Variants in XKR6 observed in about 807,000 individuals in gnomAD.
The protein encoded by XKR6 is XK related 6.
Under a neutral mutation model 56.7 loss-of-function variants are expected in XKR6, and 22 were observed. The observed-to-expected ratio is 0.39, with a 90% CI of 0.28 to 0.55. The LOEUF (loss-of-function observed/expected upper bound fraction) is 0.55. XKR6 is among the 20% of genes least tolerant of loss of function. The pLI is 0.66. For synonymous variants in XKR6, 524 were observed against 387.8 expected (o/e 1.35, Z -4.13); for missense variants, 852 against 889.0 (o/e 0.96, Z 0.53).
intron 1 of XKR6, among the ~76,000 whole-genome samples, chr8:11,051,237 C>T (rs1799539959): frequency 6.6e-6 from 1 of 152,008 alleles, no homozygotes; most frequent in Non-Finnish European, 1.5e-5. Flanking sequence ...CTCACTGGCC[C>T]CCGATCACCC....
At chr8:11,141,088 G>A (rs1586604887) in intron 1 of XKR6, among the ~76,000 whole-genome samples, 2 of 152,058 alleles carry the variant, frequency 1.3e-5, no homozygotes, top group South Asian at 4.2e-4. Context: ...ACGCTAAGTC[G>A]ACATGGTACA....
intron 1 of XKR6, among the ~76,000 whole-genome samples, chr8:11,007,563 T>C (rs73662675): frequency 0.036 from 5,522 of 152,114 alleles, 242 homozygotes; most frequent in African/African-American, 0.1. Context: ...TACTGATGAG[T>C]CACGTGCAGC....
intron 1 of XKR6, among the ~76,000 whole-genome samples, chr8:11,173,496 A>G (rs1802491524): frequency 6.6e-6 from 1 of 152,030 alleles, no homozygotes; most frequent in Non-Finnish European, 1.5e-5. Flanking sequence ...ATGATTCTGG[A>G]GCCAGACTGA....
At chr8:10,997,535 C>A (rs1798141784) in intron 1 of XKR6, among the ~76,000 whole-genome samples, 1 of 152,128 alleles carries the variant, frequency 6.6e-6, no homozygotes, top group African/African-American at 2.4e-5. Context: ...GATTAAGATG[C>A]ATGTACAGAG....
intron 1 of XKR6, among the ~76,000 whole-genome samples, chr8:10,997,209 C>T (rs1798133710): frequency 6.6e-6 from 1 of 152,172 alleles, no homozygotes; most frequent in Admixed American, 6.5e-5. Flanking sequence ...ACACAGAGCA[C>T]CAAGTTCATG....
At chr8:11,185,275 G>A (rs1803213576) in intron 1 of XKR6, among the ~76,000 whole-genome samples, 1 of 152,164 alleles carries the variant, frequency 6.6e-6, no homozygotes, top group African/African-American at 2.4e-5. Flanking sequence ...TATAGGTATG[G>A]CTCACATTTA....
chr8:10,991,591 C>G (rs890143689), intron 1 of XKR6, among the ~76,000 whole-genome samples: 1 of 152,170 alleles, frequency 6.6e-6, no homozygotes, highest in Non-Finnish European at 1.5e-5. Context: ...AATATAAAAG[C>G]ATACTCTATG....
At chr8:11,113,654 C>G (rs1343013531) in intron 1 of XKR6, among the ~76,000 whole-genome samples, 1 of 152,000 alleles carries the variant, frequency 6.6e-6, no homozygotes, top group Non-Finnish European at 1.5e-5. Flanking sequence ...AGAGCAAAAC[C>G]CTATTGTTTA....
chr8:11,088,065 G>C (rs1401282762), intron 1 of XKR6, among the ~76,000 whole-genome samples: 1 of 152,194 alleles, frequency 6.6e-6, no homozygotes, highest in African/African-American at 2.4e-5. Flanking sequence ...ATGCAAACAA[G>C]ATAAGTAGCT....
chr8:11,005,220 T>C lies in XKR6; in HGVS notation c.765-80390A>G, dbSNP rs549535431. Among the ~76,000 whole-genome samples, 56 of 152,228 alleles carry C rather than the reference T, an allele frequency of 3.7e-4. 1 individual carries two copies. Among genetic ancestry groups the C allele is most frequent in the African/African-American group, 1.2e-3 (49 of 41,538 alleles). On this transcript the variant is annotated intron_variant, in intron 1 of 2. Transcript: ENST00000416569. ...AGCAGAATGACGCAAGATTTCATCA[T>C]GCTGCTCAACATGGCACACAACTCA...
chr8:10,931,835 C>A (rs66724331), intron 1 of XKR6, among the ~76,000 whole-genome samples: 21,051 of 84,462 alleles, frequency 0.25, 1,736 homozygotes, highest in Middle Eastern at 0.34. Flanking sequence ...ATAAAAAAAA[C>A]AAAAAAGATA....
At chr8:10,900,258 C>T (rs1265848985) in intron 2 of XKR6, among the ~76,000 whole-genome samples, 1 of 152,146 alleles carries the variant, frequency 6.6e-6, no homozygotes, top group Non-Finnish European at 1.5e-5. Context: ...ACAGAAGCCC[C>T]ATTCATCAAG....
intron 1 of XKR6, among the ~76,000 whole-genome samples, chr8:11,061,115 G>T (rs1350541221): frequency 1.3e-5 from 2 of 152,194 alleles, no homozygotes; most frequent in Admixed American, 6.5e-5. Context: ...AATGGCAAAG[G>T]TTCCTTGCTG....
At chr8:11,054,164 G>C (rs964206857) in intron 1 of XKR6, among the ~76,000 whole-genome samples, 1 of 152,196 alleles carries the variant, frequency 6.6e-6, no homozygotes, top group African/African-American at 2.4e-5. Context: ...GTTAAATGAA[G>C]TCAGAGGTTT....
chr8:11,144,727 C>T (rs1428444109), intron 1 of XKR6, among the ~76,000 whole-genome samples: 4 of 152,002 alleles, frequency 2.6e-5, no homozygotes, highest in Admixed American at 1.3e-4. Context: ...TCCTCAAAGC[C>T]GTGCCTGAAA....
Position 11,120,285 on chromosome 8 carries a change from C to G in XKR6, c.764+80291G>C, listed in dbSNP as rs560920863. On this transcript the variant is annotated intron_variant, in intron 1 of 2. Transcript: ENST00000416569. Reference sequence around the variant, plus strand: ...ATGACATGATTGTATATTTAGAAAACCCCATCGCCTCAGCCCAAAATCTCC... The same window carrying G: ...ATGACATGATTGTATATTTAGAAAAGCCCATCGCCTCAGCCCAAAATCTCC... Among the ~76,000 whole-genome samples, 20 of 152,278 alleles carry G rather than the reference C, an allele frequency of 1.3e-4. No homozygotes were observed. In the East Asian group the frequency reaches 3.5e-3, roughly 26 times the overall value.
rs115799310 is a variant in XKR6, at chr8:11,102,986, G to A, written c.764+97590C>T. Among the ~76,000 whole-genome samples the A allele has an allele frequency of 7.8e-3, 1,193 of 152,180 alleles. 19 individuals carry two copies. Among genetic ancestry groups the A allele is most frequent in the African/African-American group, 0.027 (1,135 of 41,500 alleles). On this transcript the variant is annotated intron_variant, in intron 1 of 2. Transcript: ENST00000416569. ...CCAGGCACACAAAGATTAGAGAAAC[G>A]GCTTTTATGCAGTCTTTTACTCCAC...
At chr8:11,077,205 T>C (rs1800296670) in intron 1 of XKR6, among the ~76,000 whole-genome samples, 1 of 152,108 alleles carries the variant, frequency 6.6e-6, no homozygotes, top group South Asian at 2.1e-4. Context: ...TAAAGCATTG[T>C]GTCCAGCTGC....
chr8:11,069,523 T>C (rs1800064711), intron 1 of XKR6, among the ~76,000 whole-genome samples: 1 of 152,166 alleles, frequency 6.6e-6, no homozygotes, highest in Non-Finnish European at 1.5e-5. Context: ...CTTCCTCTGA[T>C]GACCCTCATG....
Sources: gnomAD v4.1 joint callset for allele counts (sites outside exome capture counted in the v4.1 genomes callset) on GRCh38, gnomAD v4.1.1 for gene constraint, MANE v1.5 for transcripts, NCBI Gene and HGNC (gene_info 2026-07-23, HGNC 2026-07-21) for gene names.